Variants in LPAR3 observed in about 807,000 individuals in gnomAD.
The protein encoded by LPAR3 is LPA receptor 3.
In LPAR3, 7 loss-of-function variants were observed where a neutral mutation model predicts 17.8. The observed-to-expected ratio is 0.39, with a 90% CI of 0.22 to 0.74. The LOEUF (loss-of-function observed/expected upper bound fraction) is 0.74, where lower values mean the gene tolerates loss of function less well. Among genes scored for constraint, LPAR3 ranks in the 30% least tolerant of loss-of-function variants. The pLI, the probability that LPAR3 is intolerant of heterozygous loss-of-function variation, is 0.40. For synonymous variants in LPAR3, 179 were observed against 179.9 expected, an observed-to-expected ratio of 0.99 and a Z score of 0.04; for missense variants, 391 against 453.4, an observed-to-expected ratio of 0.86 and a Z score of 1.25.
At chr1:84,841,503 A>G (rs752369888) in intron 2 of LPAR3, among the ~76,000 whole-genome samples, 3 of 152,190 alleles carry the variant, frequency 2.0e-5, no homozygotes, top group Non-Finnish European at 2.9e-5. Context: ...CTATGTCTAT[A>G]CTTTCAGGTC....
At chr1:84,850,613 A>T (rs1659683903) in intron 2 of LPAR3, among the ~76,000 whole-genome samples, 1 of 151,952 alleles carries the variant, frequency 6.6e-6, no homozygotes, top group Non-Finnish European at 1.5e-5. Context: ...AAACAAAACT[A>T]ACAATCACCA....
At chr1:84,892,706 G>T (rs888728017) in intron 1 of LPAR3, among the ~76,000 whole-genome samples, 1 of 152,236 alleles carries the variant, frequency 6.6e-6, no homozygotes. Context: ...AACCCGTGCG[G>T]CGCTCTCCTG....
chr1:84,885,414 A>G (rs1220075733), intron 1 of LPAR3, among the ~76,000 whole-genome samples: 1 of 152,268 alleles, frequency 6.6e-6, no homozygotes, highest in African/African-American at 2.4e-5. Context: ...TAGTACCCTC[A>G]TAACATGTTG....
chr1:84,826,577 A>C (rs1659160809), intron 2 of LPAR3, among the ~76,000 whole-genome samples: 1 of 151,846 alleles, frequency 6.6e-6, no homozygotes, highest in Non-Finnish European at 1.5e-5. Flanking sequence ...GAAAATAATA[A>C]TATTGATATG....
intron 1 of LPAR3, among the ~76,000 whole-genome samples, chr1:84,888,934 T>C (rs1337219023): frequency 6.6e-6 from 1 of 152,156 alleles, no homozygotes; most frequent in African/African-American, 2.4e-5. Flanking sequence ...CAGGCTGTGC[T>C]GGGCAGGTTG....
At chr1:84,821,081 A>G (rs1427207752) in intron 2 of LPAR3, among the ~76,000 whole-genome samples, 1 of 150,050 alleles carries the variant, frequency 6.7e-6, no homozygotes, top group East Asian at 2.0e-4. Flanking sequence ...TACTGTGGGT[A>G]CTGCTTTTTT....
At chr1:84,838,739 G>C (rs1007562571) in intron 2 of LPAR3, among the ~76,000 whole-genome samples, 5 of 152,116 alleles carry the variant, frequency 3.3e-5, no homozygotes, top group African/African-American at 1.2e-4. Flanking sequence ...CTATCTCCTT[G>C]CTTCAAAGTC....
chr1:84,834,927 G>A (rs555631657), intron 2 of LPAR3, among the ~76,000 whole-genome samples: 2 of 152,236 alleles, frequency 1.3e-5, no homozygotes, highest in African/African-American at 2.4e-5. Flanking sequence ...GAGGAGCTCC[G>A]ATTTTTAGAA....
intron 2 of LPAR3, among the ~76,000 whole-genome samples, chr1:84,838,807 G>A (rs182787420): frequency 1.8e-3 from 269 of 152,208 alleles, no homozygotes; most frequent in African/African-American, 6.2e-3. Context: ...ACTTCTCCCC[G>A]ACTGACCCGC....
chr1:84,860,687 T>C (rs544724519), intron 2 of LPAR3, among the ~76,000 whole-genome samples: 1 of 152,260 alleles, frequency 6.6e-6, no homozygotes, highest in South Asian at 2.1e-4. Flanking sequence ...AGAGACTGAC[T>C]TTCTAATATG....
chr1:84,865,679 G>A lies in LPAR3; in HGVS notation c.442C>T (p.Leu148Phe). The A allele has an allele frequency of 6.2e-7, 1 of 1,614,214 alleles. No individual in the cohort carries two copies. The highest frequency in any genetic ancestry group is 8.5e-7 in the Non-Finnish European group (1 of 1,180,038). Residue 148 changes from leucine (L) to phenylalanine (F), a missense_variant, in exon 2 of 3, where the codon CTC becomes TTC. Leu to Phe is a conservative substitution (Grantham distance 22). Coordinates refer to ENST00000370611, the MANE Select transcript of LPAR3 (RefSeq NM_012152.3). ...SNLTKKRVTL[L>F]ILLVWAIAIF... is the part of the protein sequence containing the mutation. ...GCGATGGCCCAGACAAGCAAAATGA[G>A]CAGTGTCACCCTCTTTTTGGTCAGG...
chr1:84,829,180 T>TTTTTTTTG (rs1553146936), intron 2 of LPAR3, among the ~76,000 whole-genome samples: 2 of 123,754 alleles, frequency 1.6e-5, no homozygotes, highest in Non-Finnish European at 3.4e-5. Context: ...TTTTTTTTTT[T>TTTTTTTTG]GCTTATTGGT....
chr1:84,817,597 C>T (rs1367270315), intron 2 of LPAR3, among the ~76,000 whole-genome samples: 1 of 152,118 alleles, frequency 6.6e-6, no homozygotes, highest in Non-Finnish European at 1.5e-5. Flanking sequence ...TACCTGTTCT[C>T]TAGTTTAGCC....
Position 84,814,128 on chromosome 1 carries a change from G to C in LPAR3, c.780C>G (p.Leu260=). ...VCWTPGLVVL[L]LDGLNCRQCG... ...ACTGCCTGCAGTTCAGGCCGTCGAG[G>C]AGCAGAACCACCAGGCCCGGGGTCC... The change falls in exon 3 of 3, where the codon CTC becomes CTG. Residue 260 remains leucine (L), a synonymous_variant. Coordinates refer to ENST00000370611, the MANE Select transcript of LPAR3 (RefSeq NM_012152.3). The C allele has an allele frequency of 1.2e-6, 2 of 1,614,124 alleles. No homozygotes were observed. Among genetic ancestry groups the C allele is most frequent in the Non-Finnish European group, 1.7e-6 (2 of 1,180,028 alleles).
At chr1:84,852,808 G>A (rs1659744458) in intron 2 of LPAR3, among the ~76,000 whole-genome samples, 1 of 152,136 alleles carries the variant, frequency 6.6e-6, no homozygotes, top group Non-Finnish European at 1.5e-5. Flanking sequence ...GGAGCATGAA[G>A]CAAGCAGGCA....
intron 2 of LPAR3, among the ~76,000 whole-genome samples, chr1:84,849,702 A>C (rs1341493528): frequency 6.6e-6 from 1 of 152,174 alleles, no homozygotes; most frequent in Non-Finnish European, 1.5e-5. Flanking sequence ...CTAGTGCTCG[A>C]GCCTGGTGAT....
At chr1:84,849,355 C>A (rs1288871481) in intron 2 of LPAR3, among the ~76,000 whole-genome samples, 5 of 108,408 alleles carry the variant, frequency 4.6e-5, no homozygotes, top group African/African-American at 1.9e-4. Context: ...AGCCTGGTGA[C>A]AGAGTGAGAC....
At chr1:84,831,637 T>C (rs897265061) in intron 2 of LPAR3, among the ~76,000 whole-genome samples, 6 of 151,918 alleles carry the variant, frequency 3.9e-5, no homozygotes, top group African/African-American at 7.2e-5. Flanking sequence ...AGTAACTTTT[T>C]AAATAGAGGA....
chr1:84,827,382 G>T (rs918425732), intron 2 of LPAR3, among the ~76,000 whole-genome samples: 1 of 152,102 alleles, frequency 6.6e-6, no homozygotes, highest in African/African-American at 2.4e-5. Flanking sequence ...GGGGGTAGGG[G>T]TTGTTAAATT....
Sources: allele counts gnomAD v4.1 joint callset (sites outside exome capture counted in the v4.1 genomes callset), GRCh38; gene constraint gnomAD v4.1.1; transcripts MANE v1.5; gene names NCBI Gene and HGNC (gene_info 2026-07-23, HGNC 2026-07-21).